Variants in ADAMTS20 observed in about 807,000 individuals in gnomAD.
ADAMTS20 encodes ADAM metallopeptidase with thrombospondin type 1 motif 20, also known as A disintegrin and metalloproteinase with thrombospondin motifs 20.
ADAMTS20 carries 225 observed loss-of-function variants against 260.1 expected under a neutral mutation model. That is an observed-to-expected ratio of 0.87 (90% CI 0.78 to 0.97). The LOEUF is 0.97. Among genes scored for constraint, ADAMTS20 ranks in the 50% least tolerant of loss-of-function variants. The pLI is 0.00. For synonymous variants in ADAMTS20, 802 were observed against 769.5 expected (o/e 1.04, Z -0.70); for missense variants, 2,400 against 2,337.7 (o/e 1.03, Z -0.55).
intron 14 of ADAMTS20, among the ~76,000 whole-genome samples, chr12:43,450,844 G>A (rs966678214): frequency 6.6e-6 from 1 of 152,018 alleles, no homozygotes; most frequent in African/African-American, 2.4e-5. Context: ...ATTAACAAAT[G>A]CATAACCTCA....
chr12:43,487,871 C>A (rs895776335), intron 7 of ADAMTS20, among the ~76,000 whole-genome samples: 3 of 151,944 alleles, frequency 2.0e-5, no homozygotes, highest in Admixed American at 6.6e-5. Flanking sequence ...GGATAAATAG[C>A]AAATATGGTC....
intron 2 of ADAMTS20, among the ~76,000 whole-genome samples, chr12:43,544,643 A>G (rs1009729247): frequency 6.6e-6 from 1 of 152,210 alleles, no homozygotes; most frequent in Non-Finnish European, 1.5e-5. Flanking sequence ...GAGGGAAAGG[A>G]CATTCTATAC....
intron 12 of ADAMTS20, among the ~76,000 whole-genome samples, 162 bp from the exon 13 acceptor site, chr12:43,452,857 A>G (rs1297353317): frequency 1.3e-5 from 2 of 152,190 alleles, no homozygotes; most frequent in African/African-American, 2.4e-5. Flanking sequence ...TTCTATGCAT[A>G]ATGAACCACA....
intron 7 of ADAMTS20, among the ~76,000 whole-genome samples, chr12:43,478,522 A>G (rs1942393830): frequency 6.6e-6 from 1 of 152,172 alleles, no homozygotes; most frequent in Non-Finnish European, 1.5e-5. Context: ...CAGTAGATAT[A>G]GGACTCATGA....
At chr12:43,467,046 C>T (rs1942167419) in intron 8 of ADAMTS20, among the ~76,000 whole-genome samples, 1 of 151,948 alleles carries the variant, frequency 6.6e-6, no homozygotes. Flanking sequence ...CTCTGTTGCA[C>T]CTCATCACAA....
At chr12:43,419,192 C>A (rs1941184637) in intron 28 of ADAMTS20, among the ~76,000 whole-genome samples, 1 of 152,002 alleles carries the variant, frequency 6.6e-6, no homozygotes, top group Non-Finnish European at 1.5e-5. Flanking sequence ...ATCACATAAT[C>A]ATATGTTAGT....
At chr12:43,404,112 G>A (rs996525464) in intron 28 of ADAMTS20, among the ~76,000 whole-genome samples, 5 of 151,868 alleles carry the variant, frequency 3.3e-5, no homozygotes, top group Non-Finnish European at 5.9e-5. Context: ...ACACCTGAAA[G>A]TGTCTGTTCT....
chr12:43,442,189 A>T (rs1188663473), intron 16 of ADAMTS20, among the ~76,000 whole-genome samples: 1 of 152,076 alleles, frequency 6.6e-6, no homozygotes, highest in Non-Finnish European at 1.5e-5. Context: ...TACTCACTTC[A>T]ATTTAGACTT....
At chr12:43,499,095 T>C (rs772079593) in intron 4 of ADAMTS20, among the ~76,000 whole-genome samples, 1 of 152,146 alleles carries the variant, frequency 6.6e-6, no homozygotes, top group Non-Finnish European at 1.5e-5. Flanking sequence ...AAAGAAAGCA[T>C]ATACAAAAAC....
intron 28 of ADAMTS20, chr12:43,423,539 T>C (rs547642690): frequency 1.7e-6 from 1 of 589,388 alleles, no homozygotes; most frequent in Admixed American, 3.0e-5. Flanking sequence ...AGGATTCTGC[T>C]CTCCTAATTG....
Position 43,431,430 on chromosome 12 carries a change from A to T in ADAMTS20, c.3163T>A (p.Leu1055Met). The T allele has an allele frequency of 6.2e-7, 1 of 1,613,982 alleles. No homozygotes were observed. The highest frequency in any genetic ancestry group is 8.5e-7 in the Non-Finnish European group (1 of 1,179,868). The change falls in exon 22 of 39, where the codon TTG becomes ATG. Residue 1055 changes from leucine to methionine, a missense_variant. Leu to Met is a conservative substitution (Grantham distance 15). Transcript: ENST00000389420. ...QVWCQLNVDH[L>M]SDGFCNSSTK... is the part of the protein sequence containing the mutation. ...CTTGAATTACAGAAGCCATCACTCA[A>T]GTGATCTACATTCAGCTGACACCAT...
Position 43,551,830 on chromosome 12 carries a change from C to A in ADAMTS20, c.91+1G>T. 5.0e-6 allele frequency: 8 copies of A among 1,613,566 alleles called. No homozygotes were observed. Among genetic ancestry groups the A allele is most frequent in the Non-Finnish European group, 6.8e-6 (8 of 1,179,702 alleles). The stretch of plus-strand genomic sequence containing the variant: ...CTGAAGGCGTCTCGCGGTGACTTTA[C>A]CTTGCCTGGGGTGGAAGTCAACTTC... On this transcript the variant is annotated splice_donor_variant, in intron 1 of 38. Transcript: ENST00000389420. LOFTEE classifies it high-confidence loss of function. This position sits in a 1 kb window ranked among gnomAD's most constrained non-coding sequence, Gnocchi z 4.6.
intron 3 of ADAMTS20, among the ~76,000 whole-genome samples, chr12:43,517,984 T>A (rs10880517): frequency 0.35 from 52,836 of 151,922 alleles, 9,791 homozygotes; most frequent in East Asian, 0.75. Context: ...AATTTTATTT[T>A]TCACTGTTTT....
At chr12:43,550,830 G>T in intron 2 of ADAMTS20, 79 bp downstream of exon 2, 1 of 1,445,388 alleles carries the variant, frequency 6.9e-7, no homozygotes, top group Non-Finnish European at 9.1e-7. Flanking sequence ...CCACCAACTC[G>T]AAAACCCAAG....
chr12:43,431,284 A>G (rs1450357897), intron 22 of ADAMTS20, 48 bp downstream of exon 22: 27 of 1,583,270 alleles, frequency 1.7e-5, no homozygotes, highest in Non-Finnish European at 2.3e-5. Context: ...CTTTTGTGCT[A>G]TTCTGTAAAG....
At chr12:43,476,069 G>T (rs1308331388) in intron 7 of ADAMTS20, among the ~76,000 whole-genome samples, 1 of 111,030 alleles carries the variant, frequency 9.0e-6, no homozygotes, top group Non-Finnish European at 1.8e-5. Context: ...CCTACAACAT[G>T]GGAGAAAATT....
intron 38 of ADAMTS20, among the ~76,000 whole-genome samples, chr12:43,355,810 A>C (rs909765292): frequency 6.6e-6 from 1 of 152,042 alleles, no homozygotes. Context: ...AATTAAGTGG[A>C]TTCTACTTTG....
chr12:43,485,505 G>A (rs1302090415), intron 7 of ADAMTS20, among the ~76,000 whole-genome samples: 1 of 152,058 alleles, frequency 6.6e-6, no homozygotes, highest in Non-Finnish European at 1.5e-5. Flanking sequence ...CCTGAGAAGT[G>A]GAACAAGACA....
At chr12:43,485,949 A>T (rs1422611371) in intron 7 of ADAMTS20, among the ~76,000 whole-genome samples, 1 of 152,148 alleles carries the variant, frequency 6.6e-6, no homozygotes, top group Non-Finnish European at 1.5e-5. Context: ...ACAAACAGAA[A>T]TACATCCCAT....
Sources: allele counts gnomAD v4.1 joint callset (sites outside exome capture counted in the v4.1 genomes callset), GRCh38; gene constraint gnomAD v4.1.1; non-coding constraint Gnocchi (gnomAD v3.1); transcripts MANE v1.5; gene names NCBI Gene and HGNC (gene_info 2026-07-23, HGNC 2026-07-21).